Variants in TMPRSS11D observed in about 807,000 individuals in gnomAD.
TMPRSS11D encodes the protein transmembrane protease serine 11D.
A neutral mutation model predicts 44.4 loss-of-function variants in TMPRSS11D; 32 were observed. The observed-to-expected ratio is 0.72, with a 90% CI of 0.54 to 0.97. The LOEUF (loss-of-function observed/expected upper bound fraction) is 0.97. TMPRSS11D is among the 50% of genes least tolerant of loss of function. The pLI is 0.00. For missense variants in TMPRSS11D, 446 were observed against 502.6 expected (o/e 0.89, Z 1.08); for synonymous variants, 179 against 177.9 (o/e 1.01, Z -0.05).
At chr4:67,846,030 A>G (rs71598042) in intron 3 of TMPRSS11D, among the ~76,000 whole-genome samples, 2 of 152,184 alleles carry the variant, frequency 1.3e-5, no homozygotes, top group African/African-American at 4.8e-5. Flanking sequence ...AGCTTTGCTC[A>G]TATTATTAGA....
intron 1 of TMPRSS11D, among the ~76,000 whole-genome samples, chr4:67,872,207 T>C (rs1365075816): frequency 6.6e-6 from 1 of 152,112 alleles, no homozygotes; most frequent in Non-Finnish European, 1.5e-5. Flanking sequence ...CTTGCCTATT[T>C]CCCCCCAAAA....
intron 1 of TMPRSS11D, among the ~76,000 whole-genome samples, chr4:67,871,515 A>G (rs1194393543): frequency 1.3e-5 from 2 of 152,206 alleles, no homozygotes; most frequent in East Asian, 3.8e-4. Flanking sequence ...TTCACTTAGC[A>G]TATATCCCCA....
chr4:67,822,376 T>G lies in TMPRSS11D; in HGVS notation c.1218A>C (p.Thr406=), dbSNP rs1400102401. 1 of 1,613,780 alleles carries G rather than the reference T, an allele frequency of 6.2e-7. No homozygotes were observed. Among genetic ancestry groups the G allele is most frequent in the African/African-American group, 1.3e-5 (1 of 74,894 alleles). ...PDKPGVYTRV[T]AYLDWIRQQT... ...GTTGCCTAATCCAGTCAAGGTAGGC[T>G]GTCACTCGAGTATACACTCCTGGCT... The change falls in exon 10 of 10, where the codon ACA becomes ACC. Residue 406 remains threonine (T), a synonymous_variant. Transcript: ENST00000283916.
At chr4:67,872,393 T>TA (rs1482899991) in intron 1 of TMPRSS11D, among the ~76,000 whole-genome samples, 3 of 152,096 alleles carry the variant, frequency 2.0e-5, no homozygotes, top group Non-Finnish European at 2.9e-5. Context: ...CCGTAAATTA[T>TA]AAAAAAATAC....
At chr4:67,872,326 A>G (rs1719079380) in intron 1 of TMPRSS11D, among the ~76,000 whole-genome samples, 1 of 149,222 alleles carries the variant, frequency 6.7e-6, no homozygotes, top group Admixed American at 6.7e-5. Context: ...TTCCCCCTTT[A>G]TTTTTAACTA....
intron 2 of TMPRSS11D, among the ~76,000 whole-genome samples, chr4:67,856,728 G>C (rs2109686101): frequency 6.6e-6 from 1 of 152,060 alleles, no homozygotes; most frequent in South Asian, 2.1e-4. Context: ...TTTGCCAACT[G>C]TTCATCTGAC....
At chr4:67,861,139 A>T (rs1017756499) in intron 1 of TMPRSS11D, among the ~76,000 whole-genome samples, 2 of 152,150 alleles carry the variant, frequency 1.3e-5, no homozygotes, top group African/African-American at 4.8e-5. Flanking sequence ...AAATGCTATA[A>T]CTTTATGATG....
chr4:67,869,936 C>T (rs960868757), intron 1 of TMPRSS11D, among the ~76,000 whole-genome samples: 4 of 152,152 alleles, frequency 2.6e-5, no homozygotes, highest in African/African-American at 9.7e-5. Flanking sequence ...TTTTGCAAAT[C>T]TGTGCTCCTT....
rs1718150414 is a variant in TMPRSS11D at position 67,838,307 on chromosome 4, C to T, written c.340G>A (p.Ala114Thr). ...AATTGAAATTTCATGACAACATCCG[C>T]TCTCACACCACTACCATCTTGCCTG... ...KLRQDGSGVR[A>T]DVVMKFQFTR... The change falls in exon 5 of 10, where the codon GCG (alanine) becomes ACG (threonine). Residue 114 changes from alanine (A) to threonine (T), a missense_variant. By Grantham distance (58) the Ala-to-Thr change is moderately conservative (BLOSUM62 0). Transcript: ENST00000283916. 1.3e-6 allele frequency: 2 copies of T among 1,585,606 alleles called. No homozygotes were observed. The highest frequency in any genetic ancestry group is 1.4e-5 in the African/African-American group (1 of 73,518).
chr4:67,840,360 A>G (rs1718204310), intron 4 of TMPRSS11D, among the ~76,000 whole-genome samples: 1 of 152,046 alleles, frequency 6.6e-6, no homozygotes, highest in South Asian at 2.1e-4. Context: ...ACCTCCCACA[A>G]GGTCCCTCCC....
rs147804026 is a variant in TMPRSS11D, at chr4:67,849,611, A to AT, written c.249+4456dup. 6.5e-3 allele frequency among the ~76,000 whole-genome samples: 986 copies of AT among 152,238 alleles called. 15 individuals are homozygous for AT. The highest frequency in any genetic ancestry group is 0.023 in the African/African-American group (938 of 41,556). ...CACATTAAAAATAACAAAATCATAG[A>AT]TTTTTTGTGTAAGAATGTACTATAG... On this transcript the variant is annotated intron_variant, in intron 3 of 9. Coordinates refer to ENST00000283916, the MANE Select transcript of TMPRSS11D (RefSeq NM_004262.3).
intron 3 of TMPRSS11D, among the ~76,000 whole-genome samples, chr4:67,846,379 AATG>A (rs1718357519): frequency 1.3e-5 from 2 of 152,028 alleles, no homozygotes; most frequent in East Asian, 3.8e-4. Flanking sequence ...TTTTTTTTGT[AATG>A]ATATTTTTAA....
chr4:67,866,872 C>T (rs1302942851), intron 1 of TMPRSS11D, among the ~76,000 whole-genome samples: 3 of 151,798 alleles, frequency 2.0e-5, no homozygotes, highest in Non-Finnish European at 4.4e-5. Context: ...GCTCATGCAT[C>T]GGAAGAATCA....
chr4:67,863,367 G>A (rs1009497837), intron 1 of TMPRSS11D, among the ~76,000 whole-genome samples: 4 of 148,712 alleles, frequency 2.7e-5, no homozygotes, highest in Non-Finnish European at 4.5e-5. Context: ...GTTCAAAACC[G>A]AACGTGGTAT....
chr4:67,874,125 A>T (rs554037468), intron 1 of TMPRSS11D, among the ~76,000 whole-genome samples: 24 of 152,264 alleles, frequency 1.6e-4, no homozygotes, highest in African/African-American at 5.8e-4. Context: ...CAGTACAGTA[A>T]CGTGCTATAC....
At position 67,838,271 on chromosome 4, in the gene TMPRSS11D, T is replaced by A; in HGVS notation, c.376A>T (p.Asn126Tyr). 6.2e-7 allele frequency: 1 copy of A among 1,601,898 alleles called. No individual in the cohort carries two copies. Among genetic ancestry groups the A allele is most frequent in the Non-Finnish European group, 8.5e-7 (1 of 1,175,130 alleles). Residue 126 changes from asparagine to tyrosine, a missense_variant, in exon 5 of 10, where the codon AAC becomes TAC. Physicochemically the swap from Asn to Tyr is moderately radical, Grantham distance 143 (BLOSUM62 -2). Transcript: ENST00000283916. The part of the protein sequence containing the change: ...VVMKFQFTRN[N>Y]NGASMKSRIE... ...CTGCTTTTCATTGATGCTCCATTGT[T>A]ATTTCTAGTGAATTGAAATTTCATG...
intron 1 of TMPRSS11D, among the ~76,000 whole-genome samples, chr4:67,868,870 T>A (rs1402775063): frequency 6.6e-6 from 1 of 152,146 alleles, no homozygotes; most frequent in Non-Finnish European, 1.5e-5. Context: ...AGTAATGGGA[T>A]ATGAAGTGCT....
intron 7 of TMPRSS11D, among the ~76,000 whole-genome samples, chr4:67,831,033 T>C (rs1342994050): frequency 6.6e-6 from 1 of 152,174 alleles, no homozygotes; most frequent in East Asian, 1.9e-4. Flanking sequence ...GTGTCTACTT[T>C]GTATAAGGAA....
chr4:67,870,801 G>C (rs190138987), intron 1 of TMPRSS11D, among the ~76,000 whole-genome samples: 1,366 of 115,136 alleles, frequency 0.012, 11 homozygotes, highest in Non-Finnish European at 0.018. Flanking sequence ...GTAATAGAGC[G>C]AGACCCTGTC....
Sources: gnomAD v4.1 joint callset for allele counts (sites outside exome capture counted in the v4.1 genomes callset) on GRCh38, gnomAD v4.1.1 for gene constraint, MANE v1.5 for transcripts, NCBI Gene and HGNC (gene_info 2026-07-23, HGNC 2026-07-21) for gene names.